SHC3: variants seen among roughly 807,000 people sequenced by gnomAD.
The protein encoded by SHC3 is SHC-transforming protein 3.
In SHC3, 15 loss-of-function variants were observed where a neutral mutation model predicts 60.4. The observed-to-expected ratio is 0.25, with a 90% CI of 0.17 to 0.38. SHC3 has a LOEUF of 0.38. Among genes scored for constraint, SHC3 ranks in the 10% least tolerant of loss-of-function variants. The pLI is 1.00. For synonymous variants in SHC3, 294 were observed against 325.9 expected, an observed-to-expected ratio of 0.90 and a Z score of 1.05; for missense variants, 677 against 786.1, an observed-to-expected ratio of 0.86 and a Z score of 1.66.
At chr9:89,140,458 C>T (rs1456354178) in intron 1 of SHC3, among the ~76,000 whole-genome samples, 3 of 152,048 alleles carry the variant, frequency 2.0e-5, no homozygotes, top group Non-Finnish European at 2.9e-5. Flanking sequence ...GGGGGCGCAT[C>T]TCCATACTTC....
At chr9:89,016,645 T>C (rs981443550) in intron 11 of SHC3, among the ~76,000 whole-genome samples, 2 of 152,176 alleles carry the variant, frequency 1.3e-5, no homozygotes, top group African/African-American at 4.8e-5. Context: ...GAAGATAGAA[T>C]CAGAGAACAT....
intron 6 of SHC3, among the ~76,000 whole-genome samples, chr9:89,053,613 T>C (rs766834234): frequency 6.6e-5 from 10 of 152,332 alleles, no homozygotes; most frequent in Middle Eastern, 3.4e-3. Context: ...TATTTCTGCT[T>C]TGGGGGGCAA....
chr9:89,074,804 A>C (rs1210415634), intron 4 of SHC3, among the ~76,000 whole-genome samples: 1 of 152,106 alleles, frequency 6.6e-6, no homozygotes, highest in Non-Finnish European at 1.5e-5. Flanking sequence ...GGTGTAAAAG[A>C]AAAAAATAAG....
chr9:89,130,161 G>C (rs11496688), intron 1 of SHC3, among the ~76,000 whole-genome samples: 10,073 of 152,198 alleles, frequency 0.066, 461 homozygotes, highest in Middle Eastern at 0.12. Flanking sequence ...GATCAAAAGA[G>C]ACAAAGAAGG....
chr9:89,166,143 A>T (rs1826786050), intron 1 of SHC3, among the ~76,000 whole-genome samples: 1 of 152,094 alleles, frequency 6.6e-6, no homozygotes, highest in African/African-American at 2.4e-5. Context: ...CTACACACAC[A>T]TGTCCCATCC....
intron 5 of SHC3, among the ~76,000 whole-genome samples, chr9:89,065,923 G>C (rs916008306): frequency 2.6e-5 from 4 of 152,142 alleles, no homozygotes; most frequent in South Asian, 2.1e-4. Context: ...AGGAGAAAAG[G>C]CATGTTGGAT....
chr9:89,043,560 G>C (rs1824723021), intron 9 of SHC3, among the ~76,000 whole-genome samples: 1 of 152,174 alleles, frequency 6.6e-6, no homozygotes, highest in African/African-American at 2.4e-5. Context: ...GTGCCATCGT[G>C]ATACCTGGAG....
At chr9:89,140,600 A>T (rs1826379532) in intron 1 of SHC3, among the ~76,000 whole-genome samples, 1 of 152,190 alleles carries the variant, frequency 6.6e-6, no homozygotes, top group Admixed American at 6.5e-5. Context: ...CATAATGCAA[A>T]ACAATTTCTG....
At chr9:89,077,233 C>T (rs1825373976) in intron 3 of SHC3, among the ~76,000 whole-genome samples, 1 of 151,958 alleles carries the variant, frequency 6.6e-6, no homozygotes, top group East Asian at 1.9e-4. Flanking sequence ...ACATGCATCA[C>T]TTCCTAATTC....
At chr9:89,156,347 C>T (rs1034904137) in intron 1 of SHC3, among the ~76,000 whole-genome samples, 1 of 152,114 alleles carries the variant, frequency 6.6e-6, no homozygotes, top group Non-Finnish European at 1.5e-5. Flanking sequence ...ATTACAGTCC[C>T]AGTTGACATC....
At chr9:89,042,282 ACCT>A in intron 9 of SHC3, 98 bp from the exon 10 acceptor site, 1 of 1,313,264 alleles carries the variant, frequency 7.6e-7, no homozygotes, top group East Asian at 2.6e-5. Context: ...CAAATGGGAA[ACCT>A]CCTCCTTCGG....
At chr9:89,102,521 C>T (rs1441301474) in intron 2 of SHC3, among the ~76,000 whole-genome samples, 1 of 152,048 alleles carries the variant, frequency 6.6e-6, no homozygotes, top group Non-Finnish European at 1.5e-5. Context: ...TCTGTAATAA[C>T]CCAAAATAGC....
intron 2 of SHC3, among the ~76,000 whole-genome samples, chr9:89,093,369 T>C (rs1461050957): frequency 6.6e-6 from 1 of 152,144 alleles, no homozygotes; most frequent in Non-Finnish European, 1.5e-5. Flanking sequence ...GGCTGCTGAC[T>C]GAAAAAGGGC....
At chr9:89,065,713 A>G (rs1391313586) in intron 5 of SHC3, 133 bp from the exon 6 acceptor site, 1 of 849,452 alleles carries the variant, frequency 1.2e-6, no homozygotes, top group Admixed American at 2.1e-5. Context: ...ATGCTGCCTA[A>G]GAAACAGCCC....
chr9:89,128,295 A>G (rs1345533042), intron 1 of SHC3, among the ~76,000 whole-genome samples: 2 of 152,194 alleles, frequency 1.3e-5, no homozygotes, highest in Non-Finnish European at 2.9e-5. Context: ...AAATGGTTTT[A>G]AAGTCACAAA....
At chr9:89,070,323 G>A (rs944176934) in intron 5 of SHC3, among the ~76,000 whole-genome samples, 1 of 152,188 alleles carries the variant, frequency 6.6e-6, no homozygotes, top group Non-Finnish European at 1.5e-5. Context: ...TCCGGAGGGT[G>A]AGCCTTCTTC....
intron 1 of SHC3, among the ~76,000 whole-genome samples, chr9:89,113,514 C>A (rs1212419323): frequency 6.6e-6 from 1 of 152,044 alleles, no homozygotes; most frequent in African/African-American, 2.4e-5. Flanking sequence ...GAAAAAACTG[C>A]ATTTGAATTA....
chr9:89,048,260 T>C (rs912880426), intron 7 of SHC3, among the ~76,000 whole-genome samples: 1 of 99,360 alleles, frequency 1.0e-5, no homozygotes, highest in Non-Finnish European at 2.3e-5. Context: ...AAAAAAAAGG[T>C]AGAAGTACCC....
At chr9:89,066,034 C>T (rs79229832) in intron 5 of SHC3, among the ~76,000 whole-genome samples, 1,783 of 152,290 alleles carry the variant, frequency 0.012, 51 homozygotes, top group African/African-American at 0.04. Context: ...TTTTTAGATG[C>T]TCCCTAGATG....
Sources: allele counts gnomAD v4.1 joint callset (sites outside exome capture counted in the v4.1 genomes callset), GRCh38; gene constraint gnomAD v4.1.1; transcripts MANE v1.5; gene names NCBI Gene and HGNC (gene_info 2026-07-23, HGNC 2026-07-21).